Variants in RNLS observed in about 807,000 individuals in gnomAD.
RNLS encodes renalase.
Under a neutral mutation model 39.8 loss-of-function variants are expected in RNLS, and 39 were observed. That is an observed-to-expected ratio of 0.98 (90% CI 0.76 to 1.28). The LOEUF (loss-of-function observed/expected upper bound fraction) is 1.28. Among genes scored for constraint, RNLS ranks in the 50% most tolerant of loss-of-function variants. The pLI is 0.00. For synonymous variants in RNLS, 147 were observed against 150.7 expected, an observed-to-expected ratio of 0.98 and a Z score of 0.18; for missense variants, 410 against 413.3, an observed-to-expected ratio of 0.99 and a Z score of 0.07.
intron 5 of RNLS, among the ~76,000 whole-genome samples, chr10:88,330,344 T>A (rs1390117813): frequency 6.6e-6 from 1 of 151,998 alleles, no homozygotes; most frequent in Non-Finnish European, 1.5e-5. Flanking sequence ...ACTAGATTTA[T>A]ACAATATGCT....
chr10:88,391,214 C>A (rs1212330941), intron 4 of RNLS, among the ~76,000 whole-genome samples: 2 of 152,098 alleles, frequency 1.3e-5, no homozygotes, highest in East Asian at 3.8e-4. Context: ...TTATGATATT[C>A]CTTTCTTCTT....
At chr10:88,289,213 T>C (rs926014504) in intron 6 of RNLS, among the ~76,000 whole-genome samples, 1 of 152,168 alleles carries the variant, frequency 6.6e-6, no homozygotes, top group Admixed American at 6.5e-5. Context: ...TTTTGTTATA[T>C]AAAATGCAAA....
the RNLS span, among the ~76,000 whole-genome samples, chr10:88,225,847 T>C: frequency 6.6e-6 from 1 of 152,214 alleles, no homozygotes; most frequent in Non-Finnish European, 1.5e-5. Flanking sequence ...ATAGGCATAA[T>C]TTAGACTAAA....
rs540168605 is a variant in RNLS, at chr10:88,348,426, C to CA, written c.700+14125dup. Among the ~76,000 whole-genome samples the CA allele has an allele frequency of 6.1e-3, 923 of 152,260 alleles. 2 individuals carry two copies. The highest frequency in any genetic ancestry group is 9.7e-3 in the South Asian group (47 of 4,828). On this transcript the variant is annotated intron_variant, in intron 5 of 6. Coordinates refer to ENST00000331772, the MANE Select transcript of RNLS (RefSeq NM_001031709.3). ...TATAAATCTCAGCCTGACAGCCACACATTTAGGCCTATCCACAAGGGAAAA... is the reference window on the plus strand; with the variant it reads ...TATAAATCTCAGCCTGACAGCCACACAATTTAGGCCTATCCACAAGGGAAAA...
At chr10:88,364,035 G>C (rs1160736610) in intron 4 of RNLS, among the ~76,000 whole-genome samples, 1 of 152,070 alleles carries the variant, frequency 6.6e-6, no homozygotes, top group Non-Finnish European at 1.5e-5. Context: ...TCTTGAGGTG[G>C]GGAAAGAAGA....
chr10:88,419,559 TC>T (rs2133749164), intron 4 of RNLS, among the ~76,000 whole-genome samples: 1 of 152,344 alleles, frequency 6.6e-6, no homozygotes, highest in East Asian at 1.9e-4. Context: ...TTCTTTTTAT[TC>T]TTTTGCATTT....
At chr10:88,466,187 A>G (rs1204618361) in intron 4 of RNLS, among the ~76,000 whole-genome samples, 1 of 152,138 alleles carries the variant, frequency 6.6e-6, no homozygotes, top group African/African-American at 2.4e-5. Context: ...CATTAGAAGG[A>G]CAAGCTAAAC....
At chr10:88,181,212 C>A in the RNLS span, among the ~76,000 whole-genome samples, 1 of 152,058 alleles carries the variant, frequency 6.6e-6, no homozygotes, top group Non-Finnish European at 1.5e-5. Flanking sequence ...AGGACTGGCC[C>A]CATCATAAGC....
chr10:88,482,186 T>C (rs533939810), intron 4 of RNLS, among the ~76,000 whole-genome samples: 33 of 152,304 alleles, frequency 2.2e-4, no homozygotes, highest in African/African-American at 7.5e-4. Flanking sequence ...TCTGTAATGT[T>C]GGCTTTCAAA....
At chr10:88,445,541 T>C (rs1678831169) in intron 4 of RNLS, among the ~76,000 whole-genome samples, 1 of 152,142 alleles carries the variant, frequency 6.6e-6, no homozygotes, top group African/African-American at 2.4e-5. Flanking sequence ...GAGTCAAGAC[T>C]CATCAGTGTG....
At chr10:88,174,915 T>G in the RNLS span, among the ~76,000 whole-genome samples, 1 of 152,230 alleles carries the variant, frequency 6.6e-6, no homozygotes, top group African/African-American at 2.4e-5. Context: ...GGATACTTCT[T>G]ATTAATGATT....
intron 4 of RNLS, among the ~76,000 whole-genome samples, chr10:88,415,142 G>C (rs923629145): frequency 6.6e-6 from 1 of 152,190 alleles, no homozygotes; most frequent in African/African-American, 2.4e-5. Flanking sequence ...ATTCACTGAG[G>C]ATCAGGGTAA....
intron 6 of RNLS, among the ~76,000 whole-genome samples, chr10:88,290,244 T>C (rs151100188): frequency 3.9e-5 from 6 of 152,316 alleles, no homozygotes; most frequent in African/African-American, 1.4e-4. Context: ...AGAACAGTCA[T>C]TTGTCTGGCC....
chr10:88,260,895 A>G, the RNLS span, among the ~76,000 whole-genome samples: 3 of 152,254 alleles, frequency 2.0e-5, no homozygotes, highest in Admixed American at 1.3e-4. Flanking sequence ...GAAAATGAAC[A>G]TGTGCTGACA....
chr10:88,172,499 TC>T, the RNLS span, among the ~76,000 whole-genome samples: 1 of 152,216 alleles, frequency 6.6e-6, no homozygotes, highest in African/African-American at 2.4e-5. Flanking sequence ...TCTATTCAGA[TC>T]CTTTCTCCAT....
chr10:88,564,672 G>A (rs763186702), intron 4 of RNLS, among the ~76,000 whole-genome samples: 4 of 152,070 alleles, frequency 2.6e-5, no homozygotes, highest in Admixed American at 2.6e-4. Flanking sequence ...ATAATGCCTA[G>A]CATTACTTTG....
intron 4 of RNLS, among the ~76,000 whole-genome samples, chr10:88,439,095 C>T (rs1841570412): frequency 1.3e-5 from 2 of 152,120 alleles, no homozygotes; most frequent in Non-Finnish European, 2.9e-5. Flanking sequence ...TATTACATCT[C>T]GTTTTGTTTA....
At chr10:88,421,825 G>A (rs935418522) in intron 4 of RNLS, among the ~76,000 whole-genome samples, 1 of 151,968 alleles carries the variant, frequency 6.6e-6, no homozygotes, top group African/African-American at 2.4e-5. Flanking sequence ...TCTGACCTTT[G>A]CTGCTGGTCA....
intron 4 of RNLS, among the ~76,000 whole-genome samples, chr10:88,528,815 T>C (rs1847259147): frequency 6.9e-6 from 1 of 144,600 alleles, no homozygotes; most frequent in East Asian, 2.0e-4. Flanking sequence ...ACCGCACCAC[T>C]GCACTCCAGC....
Sources: allele counts gnomAD v4.1 joint callset (sites outside exome capture counted in the v4.1 genomes callset), GRCh38; gene constraint gnomAD v4.1.1; transcripts MANE v1.5; gene names NCBI Gene and HGNC (gene_info 2026-07-23, HGNC 2026-07-21).